Variants in DYM observed in about 807,000 individuals in gnomAD.
The protein encoded by DYM is dyggve-Melchior-Clausen syndrome protein.
A neutral mutation model predicts 93.1 loss-of-function variants in DYM; 78 were observed. The ratio of observed to expected loss-of-function variants is 0.84; its 90% CI spans 0.70 to 1.01. The LOEUF (loss-of-function observed/expected upper bound fraction) is 1.01. Ranked by LOEUF, DYM falls within the 50% of genes least tolerant of loss-of-function variation. DYM has a pLI of 0.00. For synonymous variants in DYM, 321 were observed against 319.7 expected (o/e 1.00, Z -0.04); for missense variants, 789 against 845.0 (o/e 0.93, Z 0.82).
At chr18:49,088,649 CA>C (rs1378477845) in intron 17 of DYM, among the ~76,000 whole-genome samples, 5 of 151,868 alleles carry the variant, frequency 3.3e-5, no homozygotes, top group African/African-American at 9.7e-5. Context: ...TACTCTACAA[CA>C]CTGAGTACAA....
At chr18:49,317,612 CCT>C (rs2062077262) in intron 8 of DYM, among the ~76,000 whole-genome samples, 1 of 36,266 alleles carries the variant, frequency 2.8e-5, no homozygotes, top group African/African-American at 1.1e-4. Flanking sequence ...CTCCCCCCTC[CCT>C]CCCTCCCTCC....
chr18:49,233,840 G>A (rs1003212633), intron 13 of DYM, among the ~76,000 whole-genome samples: 2 of 151,926 alleles, frequency 1.3e-5, no homozygotes, highest in African/African-American at 4.8e-5. Flanking sequence ...TTAAGAGTTA[G>A]TGCTGGCCGG....
At chr18:49,340,690 G>A (rs977927876) in intron 6 of DYM, among the ~76,000 whole-genome samples, 5 of 152,162 alleles carry the variant, frequency 3.3e-5, no homozygotes, top group African/African-American at 1.2e-4. Context: ...ACTGATGTGA[G>A]AAAATGTTTA....
chr18:49,349,285 T>C (rs2064911870), intron 6 of DYM, among the ~76,000 whole-genome samples: 1 of 152,136 alleles, frequency 6.6e-6, no homozygotes, highest in Admixed American at 6.5e-5. Flanking sequence ...CTATACTGTA[T>C]ATGCAAAAAA....
intron 15 of DYM, among the ~76,000 whole-genome samples, chr18:49,152,330 G>A (rs773098517): frequency 6.6e-4 from 100 of 152,046 alleles, no homozygotes; most frequent in Non-Finnish European, 7.1e-4. Context: ...TAAAAAAGAG[G>A]GGAGCCCTCC....
Position 49,203,464 on chromosome 18 carries a change from T to TA in DYM, c.1625+6086_1625+6087insT, listed in dbSNP as rs752630942. On this transcript the variant is annotated intron_variant, in intron 14 of 17. Transcript: ENST00000675505. Reference sequence around the variant, plus strand: ...AAATCGGATGGTTGCCGTGTCTGTGTGAAAGAAGTAGACATGGGAGACTTT... The same window carrying TA: ...AAATCGGATGGTTGCCGTGTCTGTGTAGAAAGAAGTAGACATGGGAGACTTT... Among the ~76,000 whole-genome samples the TA allele has an allele frequency of 2.9e-3, 416 of 145,040 alleles. 2 individuals carry two copies. The highest frequency in any genetic ancestry group is 0.01 in the African/African-American group (362 of 35,958).
chr18:49,113,056 A>G (rs1215610541), intron 16 of DYM, among the ~76,000 whole-genome samples: 1 of 152,130 alleles, frequency 6.6e-6, no homozygotes, highest in African/African-American at 2.4e-5. Context: ...AAGAAAGACT[A>G]TAGAAGAAAA....
At chr18:49,246,853 G>A (rs1200529233) in intron 13 of DYM, among the ~76,000 whole-genome samples, 1 of 152,182 alleles carries the variant, frequency 6.6e-6, no homozygotes, top group Admixed American at 6.5e-5. Context: ...AAAACCTAGA[G>A]CAGTATCAAC....
At chr18:49,225,586 T>A (rs1353691161) in intron 13 of DYM, among the ~76,000 whole-genome samples, 3 of 152,132 alleles carry the variant, frequency 2.0e-5, no homozygotes, top group African/African-American at 7.2e-5. Flanking sequence ...ATAACAATAT[T>A]AGCATCTTTT....
chr18:49,314,452 A>G (rs1203488153), intron 8 of DYM, among the ~76,000 whole-genome samples: 1 of 152,228 alleles, frequency 6.6e-6, no homozygotes, highest in Admixed American at 6.5e-5. Context: ...TTCCTGGTAC[A>G]CACGTGCGAA....
chr18:49,106,963 A>G (rs1398665381), intron 16 of DYM, among the ~76,000 whole-genome samples: 2 of 152,200 alleles, frequency 1.3e-5, no homozygotes, highest in African/African-American at 2.4e-5. Flanking sequence ...GCCTTGCTAG[A>G]TTGGGGAAGT....
rs376678590 is a variant in DYM at position 49,066,149 on chromosome 18, G to A, written c.2026-21945C>T. Among the ~76,000 whole-genome samples, 96 of 146,846 alleles carry A rather than the reference G, an allele frequency of 6.5e-4. 6 individuals are homozygous for A. The South Asian group carries it at 0.024, about 36-fold the overall frequency. On this transcript the variant is annotated intron_variant, in intron 17 of 17. Transcript: ENST00000675505. ...TTTTTTGCCATATAGCAAAAACCAC[G>A]ATTACTTTTGCACCAACCTATAGCA...
intron 11 of DYM, among the ~76,000 whole-genome samples, chr18:49,270,288 A>G (rs1379970425): frequency 6.6e-6 from 1 of 152,260 alleles, no homozygotes; most frequent in Non-Finnish European, 1.5e-5. Context: ...ATTTGGCACA[A>G]CATAGGTAAA....
chr18:49,275,421 C>A lies in DYM; in HGVS notation c.1126-3118G>T, dbSNP rs180849543. 1.1e-4 allele frequency among the ~76,000 whole-genome samples: 16 copies of A among 152,220 alleles called. No individual in the cohort carries two copies. In the East Asian group the frequency reaches 3.1e-3, roughly 29 times the overall value. ...AAAGTATGAGTCCTCCAAATTTGTTCTTTTTCAGGATTGTTTTGGCTATTC... is the reference window on the plus strand; with the variant it reads ...AAAGTATGAGTCCTCCAAATTTGTTATTTTTCAGGATTGTTTTGGCTATTC... On this transcript the variant is annotated intron_variant, in intron 10 of 17. Coordinates refer to ENST00000675505, the MANE Select transcript of DYM (RefSeq NM_001353214.3).
At chr18:49,145,124 T>TAAA in intron 15 of DYM, among the ~76,000 whole-genome samples, 1 of 109,080 alleles carries the variant, frequency 9.2e-6, no homozygotes, top group South Asian at 3.2e-4. Flanking sequence ...TATATATATA[T>TAAA]ATATATATAT....
At chr18:49,356,475 C>T (rs1191264015) in intron 6 of DYM, among the ~76,000 whole-genome samples, 1 of 152,084 alleles carries the variant, frequency 6.6e-6, no homozygotes, top group African/African-American at 2.4e-5. Context: ...CTTGCAACAC[C>T]TAAAACTTAA....
intron 1 of DYM, among the ~76,000 whole-genome samples, chr18:49,460,146 C>G (rs1320813285): frequency 6.6e-6 from 1 of 152,226 alleles, no homozygotes; most frequent in African/African-American, 2.4e-5. Context: ...GCCCCATCTC[C>G]GGAAGCACCG....
chr18:49,279,246 T>C (rs1213727916), intron 10 of DYM, among the ~76,000 whole-genome samples: 1 of 152,210 alleles, frequency 6.6e-6, no homozygotes, highest in Non-Finnish European at 1.5e-5. Context: ...CCAACACCTG[T>C]CGCTGAATAC....
intron 6 of DYM, among the ~76,000 whole-genome samples, chr18:49,358,279 C>A (rs7506068): frequency 6.6e-6 from 1 of 152,000 alleles, no homozygotes; most frequent in African/African-American, 2.4e-5. Context: ...GAAACAAAAC[C>A]TGAAGCAGAT....
Sources: gnomAD v4.1 joint callset for allele counts (sites outside exome capture counted in the v4.1 genomes callset) on GRCh38, gnomAD v4.1.1 for gene constraint, MANE v1.5 for transcripts, NCBI Gene and HGNC (gene_info 2026-07-23, HGNC 2026-07-21) for gene names.